Variants in TAFA1 observed in about 807,000 individuals in gnomAD.
TAFA1 encodes the protein TAFA chemokine like family member 1.
In TAFA1, 4 loss-of-function variants were observed where a neutral mutation model predicts 18.5. The observed-to-expected ratio is 0.22, with a 90% CI of 0.11 to 0.49. The LOEUF (loss-of-function observed/expected upper bound fraction) is 0.49. TAFA1 is among the 20% of genes least tolerant of loss of function. The pLI, the probability that TAFA1 is intolerant of heterozygous loss-of-function variation, is 0.98. For missense variants in TAFA1, 147 were observed against 169.0 expected, an observed-to-expected ratio of 0.87 and a Z score of 0.72; for synonymous variants, 56 against 55.2, an observed-to-expected ratio of 1.01 and a Z score of -0.06.
In TAFA1 at chr3:68,371,624, C is replaced by T. The variant is rs143283997; in HGVS notation, c.119-45656C>T. On this transcript the variant is annotated intron_variant, in intron 2 of 4. Coordinates refer to ENST00000478136, the MANE Select transcript of TAFA1 (RefSeq NM_213609.4). Reference sequence around the variant, plus strand: ...GCCACATTTTCTTTATCCAGTCTATCATTGATGGGGATTTGGGTTGGTTCC... The same window carrying T: ...GCCACATTTTCTTTATCCAGTCTATTATTGATGGGGATTTGGGTTGGTTCC... Among the ~76,000 whole-genome samples, 1,472 of 152,206 alleles carry T rather than the reference C, an allele frequency of 9.7e-3. 23 individuals are homozygous for T. Among genetic ancestry groups the T allele is most frequent in the Non-Finnish European group, 0.011 (744 of 68,010 alleles).
At chr3:68,359,221 A>T (rs1353100640) in intron 2 of TAFA1, among the ~76,000 whole-genome samples, 1 of 151,988 alleles carries the variant, frequency 6.6e-6, no homozygotes, top group Non-Finnish European at 1.5e-5. Flanking sequence ...AATATTCTTA[A>T]AATCATGTTA....
chr3:68,059,619 C>T (rs182961362), intron 2 of TAFA1, among the ~76,000 whole-genome samples: 1 of 152,254 alleles, frequency 6.6e-6, no homozygotes, highest in African/African-American at 2.4e-5. Context: ...ATCTTGACCT[C>T]TACAGTAAGA....
chr3:68,281,865 TC>T (rs1268275981), intron 2 of TAFA1, among the ~76,000 whole-genome samples: 3 of 152,098 alleles, frequency 2.0e-5, no homozygotes, highest in Non-Finnish European at 4.4e-5. Context: ...ATATTTCTGA[TC>T]CACAGAAGAG....
chr3:67,995,410 G>C, the TAFA1 span, among the ~76,000 whole-genome samples: 2 of 152,148 alleles, frequency 1.3e-5, no homozygotes, highest in Non-Finnish European at 2.9e-5. Context: ...AAACTCTCCA[G>C]ATTATTGTAA....
intron 2 of TAFA1, among the ~76,000 whole-genome samples, chr3:68,167,839 C>T (rs192191580): frequency 7.8e-4 from 119 of 152,194 alleles, no homozygotes; most frequent in African/African-American, 2.8e-3. Flanking sequence ...GATTGCATCA[C>T]TGTACTCCAG....
intron 2 of TAFA1, among the ~76,000 whole-genome samples, chr3:68,151,242 T>C (rs2065802973): frequency 6.6e-6 from 1 of 152,214 alleles, no homozygotes; most frequent in Non-Finnish European, 1.5e-5. Context: ...ATTGCTTTAC[T>C]CACTTATGTA....
At chr3:68,395,551 C>A (rs2070362198) in intron 2 of TAFA1, among the ~76,000 whole-genome samples, 1 of 152,146 alleles carries the variant, frequency 6.6e-6, no homozygotes, top group Non-Finnish European at 1.5e-5. Flanking sequence ...CACTTGCTAA[C>A]AACCCAAATG....
At chr3:68,541,671 AG>A (rs1428731799) in intron 4 of TAFA1, among the ~76,000 whole-genome samples, 1 of 152,104 alleles carries the variant, frequency 6.6e-6, no homozygotes, top group Non-Finnish European at 1.5e-5. Context: ...ATAAAAATAA[AG>A]TTGGGGAAAC....
chr3:68,354,743 C>T (rs2069331493), intron 2 of TAFA1, among the ~76,000 whole-genome samples: 1 of 151,996 alleles, frequency 6.6e-6, no homozygotes, highest in Non-Finnish European at 1.5e-5. Context: ...GAGGGCTGCT[C>T]TCTGTTACTC....
intron 2 of TAFA1, among the ~76,000 whole-genome samples, chr3:68,297,037 A>G (rs2068219664): frequency 6.6e-6 from 1 of 152,212 alleles, no homozygotes; most frequent in African/African-American, 2.4e-5. Flanking sequence ...TAGATGGAAC[A>G]GCATTGTTCT....
At chr3:68,109,702 G>T (rs367978581) in intron 2 of TAFA1, among the ~76,000 whole-genome samples, 9 of 152,096 alleles carry the variant, frequency 5.9e-5, no homozygotes, top group South Asian at 2.1e-4. Context: ...TGTTGTTGTT[G>T]TTTTTCAGAT....
intron 2 of TAFA1, among the ~76,000 whole-genome samples, chr3:68,199,043 T>C (rs1418816502): frequency 6.6e-6 from 1 of 151,570 alleles, no homozygotes; most frequent in African/African-American, 2.4e-5. Flanking sequence ...AGCTAATTTT[T>C]ATGAAGAGTA....
chr3:68,061,420 A>C (rs2064600865), intron 2 of TAFA1, among the ~76,000 whole-genome samples: 1 of 152,246 alleles, frequency 6.6e-6, no homozygotes, highest in Non-Finnish European at 1.5e-5. Flanking sequence ...GACCGAGTGC[A>C]TTCAGCATGC....
chr3:67,999,277 C>A (rs1371452433), upstream of TAFA1, among the ~76,000 whole-genome samples: 5 of 10,056 alleles, frequency 5.0e-4, no homozygotes, highest in Admixed American at 6.5e-3. Context: ...TCCCCCCCCC[C>A]CCCCTCTCTC....
chr3:68,092,450 T>C (rs556389993), intron 2 of TAFA1, among the ~76,000 whole-genome samples: 1 of 152,190 alleles, frequency 6.6e-6, no homozygotes, highest in African/African-American at 2.4e-5. Flanking sequence ...CTTACATGCT[T>C]TGGGTGAAGG....
intron 2 of TAFA1, among the ~76,000 whole-genome samples, chr3:68,061,633 C>T (rs1013032032): frequency 1.3e-5 from 2 of 152,268 alleles, no homozygotes; most frequent in South Asian, 4.1e-4. Context: ...AGACCAGAAT[C>T]ACAGGTGCAT....
chr3:68,251,729 C>T (rs936549475), intron 2 of TAFA1, among the ~76,000 whole-genome samples: 1 of 152,140 alleles, frequency 6.6e-6, no homozygotes, highest in African/African-American at 2.4e-5. Flanking sequence ...ACAGCATGGC[C>T]TCTGTGAGTG....
chr3:68,479,985 A>G (rs577354043), intron 3 of TAFA1, among the ~76,000 whole-genome samples: 21 of 152,286 alleles, frequency 1.4e-4, no homozygotes, highest in African/African-American at 4.6e-4. Context: ...TCACTTCTCT[A>G]AGATTGGATT....
intron 2 of TAFA1, among the ~76,000 whole-genome samples, chr3:68,240,900 G>A (rs2066988309): frequency 6.6e-6 from 1 of 152,142 alleles, no homozygotes. Context: ...CTTAACCATG[G>A]ACACAGAATG....
Sources: allele counts gnomAD v4.1 joint callset (sites outside exome capture counted in the v4.1 genomes callset), GRCh38; gene constraint gnomAD v4.1.1; transcripts MANE v1.5; gene names NCBI Gene and HGNC (gene_info 2026-07-23, HGNC 2026-07-21).